The following SEMA3D variants were observed in gnomAD, a reference collection of about 807,000 sequenced individuals.
The protein encoded by SEMA3D is semaphorin-3D.
SEMA3D carries 84 observed loss-of-function variants against 100.1 expected under a neutral mutation model. The ratio of observed to expected loss-of-function variants is 0.84; its 90% CI spans 0.70 to 1.01. The LOEUF is 1.01. SEMA3D is among the 50% of genes least tolerant of loss of function. SEMA3D has a pLI of 0.00. For synonymous variants in SEMA3D, 312 were observed against 320.7 expected, an observed-to-expected ratio of 0.97 and a Z score of 0.29; for missense variants, 875 against 934.1, an observed-to-expected ratio of 0.94 and a Z score of 0.82.
At chr7:85,011,077 C>T (rs572437771) in intron 17 of SEMA3D, among the ~76,000 whole-genome samples, 6 of 151,884 alleles carry the variant, frequency 4.0e-5, no homozygotes, top group East Asian at 2.0e-4. Context: ...TAATTTGTAG[C>T]GCTTGCTGAT....
At chr7:85,188,948 T>C (rs1159369555), upstream of SEMA3D, among the ~76,000 whole-genome samples, 1 of 152,228 alleles carries the variant, frequency 6.6e-6, no homozygotes, top group African/African-American at 2.4e-5. Context: ...TTGGCTGTTT[T>C]GTGTCTTTGT....
At chr7:85,090,179 T>C (rs182263254) in intron 4 of SEMA3D, among the ~76,000 whole-genome samples, 10 of 152,266 alleles carry the variant, frequency 6.6e-5, no homozygotes, top group African/African-American at 2.4e-4. Flanking sequence ...GAATCTGGCA[T>C]GGTGAGCGCT....
the SEMA3D span, among the ~76,000 whole-genome samples, chr7:85,231,828 T>C: frequency 6.6e-6 from 1 of 152,130 alleles, no homozygotes; most frequent in South Asian, 2.1e-4. Context: ...ATACAAACTT[T>C]CTTCAAGTCA....
chr7:85,031,069 G>A (rs977286048), intron 12 of SEMA3D, among the ~76,000 whole-genome samples: 2 of 151,932 alleles, frequency 1.3e-5, no homozygotes, highest in Admixed American at 6.6e-5. Context: ...TGCTTTTCTA[G>A]GCTTATTAAC....
the SEMA3D span, among the ~76,000 whole-genome samples, chr7:85,226,044 A>G: frequency 1.3e-5 from 2 of 152,106 alleles, no homozygotes; most frequent in African/African-American, 4.8e-5. Flanking sequence ...AGCTATCAAA[A>G]TCCTTGTTTA....
the SEMA3D span, among the ~76,000 whole-genome samples, chr7:85,197,405 C>G: frequency 6.6e-6 from 1 of 152,108 alleles, no homozygotes; most frequent in African/African-American, 2.4e-5. Context: ...TAAACCCAAC[C>G]AATTTTCAAC....
chr7:85,168,852 AG>A (rs55689269), intron 1 of SEMA3D, among the ~76,000 whole-genome samples: 18 of 125,830 alleles, frequency 1.4e-4, no homozygotes, highest in African/African-American at 4.3e-4. Flanking sequence ...AAAGAAAGAA[AG>A]AAAGAAAGAA....
intron 2 of SEMA3D, chr7:85,141,807 A>AC: frequency 1.3e-6 from 1 of 755,040 alleles, no homozygotes; most frequent in Non-Finnish European, 1.6e-6. Flanking sequence ...GGTCAGTGTA[A>AC]CCCCTACTAA....
intron 12 of SEMA3D, chr7:85,028,525 G>T: frequency 3.1e-6 from 1 of 323,776 alleles, no homozygotes; most frequent in Non-Finnish European, 5.8e-6. Flanking sequence ...TAGGTGGAGA[G>T]GACTTTCACA....
intron 2 of SEMA3D, among the ~76,000 whole-genome samples, chr7:85,130,777 G>T (rs777438045): frequency 1.3e-5 from 2 of 152,058 alleles, no homozygotes; most frequent in East Asian, 1.9e-4. Flanking sequence ...CAAGGTAAAA[G>T]AAGTTTCTTT....
chr7:85,173,113 T>G, intron 1 of SEMA3D, among the ~76,000 whole-genome samples: 1 of 145,372 alleles, frequency 6.9e-6, no homozygotes, highest in South Asian at 2.1e-4. Flanking sequence ...ATGCATTGGG[T>G]TAAAAAGAGA....
At chr7:85,170,969 C>T (rs544109233) in intron 1 of SEMA3D, among the ~76,000 whole-genome samples, 100 of 152,104 alleles carry the variant, frequency 6.6e-4, no homozygotes, top group African/African-American at 2.3e-3. Flanking sequence ...AAACTCATTG[C>T]ATTTTGGATG....
At chr7:85,016,554 A>G (rs779178529) in intron 15 of SEMA3D, among the ~76,000 whole-genome samples, 7 of 151,380 alleles carry the variant, frequency 4.6e-5, no homozygotes, top group Non-Finnish European at 1.0e-4. Flanking sequence ...CTCCCTTGCT[A>G]CAGCCACTAA....
chr7:85,072,489 TATCTA>T (rs1791802243), intron 6 of SEMA3D, among the ~76,000 whole-genome samples: 1 of 152,190 alleles, frequency 6.6e-6, no homozygotes, highest in African/African-American at 2.4e-5. Context: ...ATACTATGTA[TATCTA>T]GTTAAAAAGG....
chr7:85,058,667 G>A (rs908350092), intron 8 of SEMA3D, among the ~76,000 whole-genome samples: 2 of 146,854 alleles, frequency 1.4e-5, no homozygotes, highest in African/African-American at 5.0e-5. Context: ...AGAATGGCCT[G>A]AACCCGGGAG....
At chr7:85,163,505 A>C (rs992458899) in intron 1 of SEMA3D, among the ~76,000 whole-genome samples, 2 of 152,124 alleles carry the variant, frequency 1.3e-5, no homozygotes, top group Non-Finnish European at 2.9e-5. Context: ...GAAAAATAAG[A>C]AAAAAAGAAT....
intron 6 of SEMA3D, among the ~76,000 whole-genome samples, chr7:85,072,165 T>TA (rs1791792934): frequency 6.6e-6 from 1 of 152,216 alleles, no homozygotes; most frequent in Admixed American, 6.5e-5. Context: ...GACAGTAAAC[T>TA]AAAGTACTGG....
chr7:85,129,447 A>C (rs1789663647), intron 2 of SEMA3D, among the ~76,000 whole-genome samples: 1 of 152,156 alleles, frequency 6.6e-6, no homozygotes, highest in South Asian at 2.1e-4. Flanking sequence ...AGGAGGAAAA[A>C]TTGAAATTTT....
chr7:85,030,677 CTT>C (rs913001490), intron 12 of SEMA3D, among the ~76,000 whole-genome samples: 1 of 151,992 alleles, frequency 6.6e-6, no homozygotes, highest in Non-Finnish European at 1.5e-5. Flanking sequence ...ATACTTTACA[CTT>C]ATGCATAAAT....
Sources: gnomAD v4.1 joint callset for allele counts (sites outside exome capture counted in the v4.1 genomes callset) on GRCh38, gnomAD v4.1.1 for gene constraint, MANE v1.5 for transcripts, NCBI Gene and HGNC (gene_info 2026-07-23, HGNC 2026-07-21) for gene names.